Variants in SYTL1 observed in about 807,000 individuals in gnomAD.
The protein encoded by SYTL1 is synaptotagmin-like protein 1.
A neutral mutation model predicts 74.6 loss-of-function variants in SYTL1; 53 were observed. The ratio of observed to expected loss-of-function variants is 0.71; its 90% CI spans 0.57 to 0.89. SYTL1 has a LOEUF of 0.89. Among genes scored for constraint, SYTL1 ranks in the 40% least tolerant of loss-of-function variants. The pLI is 0.00. For missense variants in SYTL1, 728 were observed against 768.7 expected, an observed-to-expected ratio of 0.95 and a Z score of 0.63; for synonymous variants, 329 against 324.9, an observed-to-expected ratio of 1.01 and a Z score of -0.14.
chr1:27,347,513 C>A lies in SYTL1; in HGVS notation c.284C>A (p.Ala95Asp). The part of the protein sequence containing the change: ...QEARSQRHHN[A>D]HFGSDLVRAS... ...GCACGCTCCCAGCGGCACCACAATG[C>A]CCACTTCGGCTCTGACCTTGTCCGA... The change falls in exon 3 of 15, where the codon GCC becomes GAC. Residue 95 changes from alanine (A) to aspartate (D), a missense_variant. Ala to Asp is a moderately radical substitution (Grantham distance 126). Transcript: ENST00000616558. The surrounding 1 kb of genome is among the most constrained non-coding windows in gnomAD (Gnocchi z 4.9). The A allele has an allele frequency of 6.2e-7, 1 of 1,614,104 alleles. No individual in the cohort carries two copies. The highest frequency in any genetic ancestry group is 8.5e-7 in the Non-Finnish European group (1 of 1,180,050).
At position 27,351,704 on chromosome 1, in the gene SYTL1, T is replaced by C; in HGVS notation, c.1343+149T>C. Reference sequence around the variant, plus strand: ...GAAGGGGACGGTTTGAGCAAAGGCCTGGAGTCAGGGAAGTTGAGGACACCT... The same window carrying C: ...GAAGGGGACGGTTTGAGCAAAGGCCCGGAGTCAGGGAAGTTGAGGACACCT... On this transcript the variant is annotated intron_variant, in intron 13 of 14. Coordinates refer to ENST00000616558, the MANE Select transcript of SYTL1 (RefSeq NM_001193308.2). This position sits in a 1 kb window ranked among gnomAD's most constrained non-coding sequence, Gnocchi z 5.0. The C allele has an allele frequency of 1.8e-6, 1 of 564,872 alleles. No homozygotes were observed. Among genetic ancestry groups the C allele is most frequent in the South Asian group, 2.4e-5 (1 of 41,804 alleles). The allele number at this position is 564,872 out of a possible 1,614,324, so 35.0% of individuals were successfully genotyped here.
chr1:27,351,424 C>A lies in SYTL1; in HGVS notation c.1244-32C>A, dbSNP rs2015271113. 1.3e-6 allele frequency: 2 copies of A among 1,507,168 alleles called. No homozygotes were observed. The highest frequency in any genetic ancestry group is 1.7e-4 in the Middle Eastern group (1 of 5,724). 93.4% of individuals were successfully genotyped at this position (1,507,168 alleles called of 1,614,324 possible). On this transcript the variant is annotated intron_variant, in intron 12 of 14. Transcript: ENST00000616558. This position sits in a 1 kb window ranked among gnomAD's most constrained non-coding sequence, Gnocchi z 5.0. Reference sequence around the variant, plus strand: ...GGGTTTGGGGGCGGTGGACTCCATCCGTGTGCGGGCCTGAGCCGAGCCTCT... The same window carrying A: ...GGGTTTGGGGGCGGTGGACTCCATCAGTGTGCGGGCCTGAGCCGAGCCTCT...
In SYTL1 at chr1:27,353,566, C is replaced by G. The variant is rs1039843822; in HGVS notation, c.1549+78C>G. On this transcript the variant is annotated intron_variant, in intron 14 of 14. Coordinates refer to ENST00000616558, the MANE Select transcript of SYTL1 (RefSeq NM_001193308.2). ...GGGCTCAGTGTGTGGCCCTGGATAC[C>G]TCTCTGTCCTTTCCTGAGCTTTGAT... 1.7e-5 allele frequency: 26 copies of G among 1,535,104 alleles called. No individual in the cohort carries two copies. The African/African-American group carries it at 2.3e-4, about 14-fold the overall frequency.
In SYTL1 at chr1:27,353,674, G is replaced by A. The variant is rs893185653; in HGVS notation, c.1550-39G>A. On this transcript the variant is annotated intron_variant, in intron 14 of 14. Transcript: ENST00000616558. ...GTGTTTGGGGGCCCCAAGGTGTCCA[G>A]TGTGATCATGCCCTCAACCCCTGCC... The A allele has an allele frequency of 5.0e-6, 8 of 1,598,752 alleles. No individual in the cohort carries two copies. The African/African-American group carries it at 1.1e-4, about 21-fold the overall frequency.
rs374038740 is a variant in SYTL1 at position 27,347,892 on chromosome 1, T to C, written c.413+12T>C. 13 of 1,613,120 alleles carry C rather than the reference T, an allele frequency of 8.1e-6. No homozygotes were observed. The highest frequency in any genetic ancestry group is 1.1e-5 in the Non-Finnish European group (13 of 1,179,728). ...GGGCCAGAGCCCAGGTGAGGAGGAGTCTCAGGAAGGGGGAGATGGTGCCCA... is the reference window on the plus strand; with the variant it reads ...GGGCCAGAGCCCAGGTGAGGAGGAGCCTCAGGAAGGGGGAGATGGTGCCCA... On this transcript the variant is annotated intron_variant, in intron 4 of 14. Transcript: ENST00000616558. This position sits in a 1 kb window ranked among gnomAD's most constrained non-coding sequence, Gnocchi z 4.9.
chr1:27,349,959 C>G lies in SYTL1; in HGVS notation c.748-13C>G. The G allele has an allele frequency of 1.3e-6, 2 of 1,571,130 alleles. No homozygotes were observed. Among genetic ancestry groups the G allele is most frequent in the Non-Finnish European group, 1.7e-6 (2 of 1,167,582 alleles). On this transcript the variant is annotated splice_polypyrimidine_tract_variant and intron_variant, in intron 8 of 14. Transcript: ENST00000616558. Reference sequence around the variant, plus strand: ...TGCGAGCGGCCCTGACTCCCACCCACTCCCGTCCGCAGCTGAGCGGCAGCC... The same window carrying G: ...TGCGAGCGGCCCTGACTCCCACCCAGTCCCGTCCGCAGCTGAGCGGCAGCC...
chr1:27,350,417 A>G lies in SYTL1; in HGVS notation c.937A>G (p.Lys313Glu). Residue 313 changes from lysine (K) to glutamate (E), a missense_variant, in exon 10 of 15, where the codon AAG (lysine) becomes GAG (glutamate). By Grantham distance (56) the Lys-to-Glu change is moderately conservative. Coordinates refer to ENST00000616558, the MANE Select transcript of SYTL1 (RefSeq NM_001193308.2). The surrounding 1 kb of genome is among the most constrained non-coding windows in gnomAD (Gnocchi z 6.3). ...CGTCAAAAGCTACCTCCTCCCGGAT[A>G]AGCAGAGCAAGCGCAAGACGGCGGT... ...PYVKSYLLPD[K>E]QSKRKTAVKK... The G allele has an allele frequency of 6.2e-7, 1 of 1,614,116 alleles. No individual in the cohort carries two copies. Among genetic ancestry groups the G allele is most frequent in the Non-Finnish European group, 8.5e-7 (1 of 1,179,976 alleles).
Position 27,350,421 on chromosome 1 carries a change from A to G in SYTL1, c.941A>G (p.Gln314Arg). The change falls in exon 10 of 15, where the codon CAG becomes CGG. Residue 314 changes from glutamine to arginine, a missense_variant. Coordinates refer to ENST00000616558, the MANE Select transcript of SYTL1 (RefSeq NM_001193308.2). The surrounding 1 kb of genome is among the most constrained non-coding windows in gnomAD (Gnocchi z 6.3). ...YVKSYLLPDK[Q>R]SKRKTAVKKR... Reference sequence around the variant, plus strand: ...AAAAGCTACCTCCTCCCGGATAAGCAGAGCAAGCGCAAGACGGCGGTGAAG... The same window carrying G: ...AAAAGCTACCTCCTCCCGGATAAGCGGAGCAAGCGCAAGACGGCGGTGAAG... 6.2e-7 allele frequency: 1 copy of G among 1,614,170 alleles called. No homozygotes were observed. The highest frequency in any genetic ancestry group is 8.5e-7 in the Non-Finnish European group (1 of 1,180,008).
rs1209696952 is a variant in SYTL1, at chr1:27,351,537, T to G, written c.1325T>G (p.Leu442Arg). The G allele has an allele frequency of 1.1e-5, 17 of 1,547,716 alleles. No individual in the cohort carries two copies. The Admixed American group carries it at 3.4e-4, about 31-fold the overall frequency. ...CTCCTGCCGCTGCGGGCAGGATCCC[T>G]GGACACTTACGTACAATGGTGAGGA... is the stretch of plus-strand genomic sequence containing the variant. ...RDLLPLRAGS[L>R]DTYVQCFVLP... The change falls in exon 13 of 15, where the codon CTG becomes CGG. Residue 442 changes from leucine (L) to arginine (R), a missense_variant. Physicochemically the swap from Leu to Arg is moderately radical, Grantham distance 102. Transcript: ENST00000616558. The surrounding 1 kb of genome is among the most constrained non-coding windows in gnomAD (Gnocchi z 5.0).
In SYTL1 at chr1:27,349,402, T is replaced by A; in HGVS notation, c.537T>A (p.Pro179=). The change falls in exon 7 of 15, where the codon CCT becomes CCA. Residue 179 remains proline, a synonymous_variant. Transcript: ENST00000616558. ...PEEASQAQED[P]GQGDQQVCAE... ...GCATCTCGTGCCCCACCCCAGATCC[T>A]GGCCAAGGAGACCAACAGGTCTGTG... The A allele has an allele frequency of 6.9e-7, 1 of 1,446,306 alleles. No individual in the cohort carries two copies. Among genetic ancestry groups the A allele is most frequent in the Non-Finnish European group, 9.1e-7 (1 of 1,097,330 alleles). The allele number at this position is 1,446,306 out of a possible 1,614,324, so 89.6% of individuals were successfully genotyped here. A position where few individuals can be genotyped will look rare whatever the true frequency, so the allele number is the denominator to read the frequency against.
At position 27,345,217 on chromosome 1, in the gene SYTL1, T is replaced by C; in HGVS notation, c.-38-80T>C. ...ACCCTACCCATACCCGGCCAAGTGT[T>C]TGGGGAGAAAAGGGCTGTTGGTTCT... On this transcript the variant is annotated intron_variant, in intron 1 of 14. Coordinates refer to ENST00000616558, the MANE Select transcript of SYTL1 (RefSeq NM_001193308.2). This position sits in a 1 kb window ranked among gnomAD's most constrained non-coding sequence, Gnocchi z 6.0. The C allele has an allele frequency of 1.3e-6, 1 of 771,296 alleles. No homozygotes were observed. The highest frequency in any genetic ancestry group is 2.0e-6 in the Non-Finnish European group (1 of 512,736). 47.8% of individuals were successfully genotyped at this position (771,296 alleles called of 1,614,324 possible).
chr1:27,353,686 C>T (rs895647651), intron 14 of SYTL1, 27 bp from the exon 15 acceptor site: 2 of 1,604,626 alleles, frequency 1.2e-6, no homozygotes, highest in Admixed American at 1.7e-5. Flanking sequence ...GTGATCATGC[C>T]CTCAACCCCT....
intron 2 of SYTL1, among the ~76,000 whole-genome samples, chr1:27,346,802 T>C (rs2015022296): frequency 6.6e-6 from 1 of 151,794 alleles, no homozygotes; most frequent in Non-Finnish European, 1.5e-5. Flanking sequence ...ATTATTATCC[T>C]TCTCTACCTG....
Position 27,347,241 on chromosome 1 carries a change from T to C in SYTL1, c.192-180T>C, listed in dbSNP as rs1571033718. 1.3e-5 allele frequency among the ~76,000 whole-genome samples: 2 copies of C among 152,246 alleles called. No homozygotes were observed. The highest frequency in any genetic ancestry group is 3.8e-4 in the East Asian group (2 of 5,198). On this transcript the variant is annotated intron_variant, in intron 2 of 14. Coordinates refer to ENST00000616558, the MANE Select transcript of SYTL1 (RefSeq NM_001193308.2). The surrounding 1 kb of genome is among the most constrained non-coding windows in gnomAD (Gnocchi z 4.9). ...ACTTCTATCACATCATCCACCTCAC[T>C]ACAGTGTACTTGTCTCTTCTGGACT... is the stretch of plus-strand genomic sequence containing the variant.
chr1:27,345,107 T>TC lies in SYTL1; in HGVS notation c.-38-189dup. On this transcript the variant is annotated intron_variant, in intron 1 of 14. Coordinates refer to ENST00000616558, the MANE Select transcript of SYTL1 (RefSeq NM_001193308.2). This position sits in a 1 kb window ranked among gnomAD's most constrained non-coding sequence, Gnocchi z 6.0. Reference sequence around the variant, plus strand: ...TGTGTCTCTTGCTTCTTCCACTGTGTCTCCAAGTGTGTTCAAGGGCTAGTG... The same window carrying TC: ...TGTGTCTCTTGCTTCTTCCACTGTGTCCTCCAAGTGTGTTCAAGGGCTAGTG... 1 of 391,162 alleles carries TC rather than the reference T, an allele frequency of 2.6e-6. No individual in the cohort carries two copies. Among genetic ancestry groups the TC allele is most frequent in the Non-Finnish European group, 4.6e-6 (1 of 218,690 alleles). 24.2% of individuals were successfully genotyped at this position (391,162 alleles called of 1,614,324 possible). A position where few individuals can be genotyped will look rare whatever the true frequency, so the allele number is the denominator to read the frequency against.
rs74061771 is a variant in SYTL1, at chr1:27,348,195, G to C, written c.459+183G>C. On this transcript the variant is annotated intron_variant, in intron 5 of 14. Coordinates refer to ENST00000616558, the MANE Select transcript of SYTL1 (RefSeq NM_001193308.2). The surrounding 1 kb of genome is among the most constrained non-coding windows in gnomAD (Gnocchi z 4.1). ...GAACGGTGGGGAACGGTGGTGAATG[G>C]TGGTAAACAGTGGTGAACGGTGGTG... Among the ~76,000 whole-genome samples, 6 of 152,280 alleles carry C rather than the reference G, an allele frequency of 3.9e-5. No homozygotes were observed. Among genetic ancestry groups the C allele is most frequent in the African/African-American group, 1.4e-4 (6 of 41,550 alleles).
intron 1 of SYTL1, among the ~76,000 whole-genome samples, chr1:27,344,543 T>C (rs894600982): frequency 6.9e-5 from 10 of 145,388 alleles, no homozygotes; most frequent in Admixed American, 2.7e-4. Context: ...GCCTGGCCAC[T>C]GTGTGCAGAT....
At position 27,350,146 on chromosome 1, in the gene SYTL1, C is replaced by G. The variant is rs1571042439; in HGVS notation, c.908+14C>G. The G allele has an allele frequency of 1.4e-6, 2 of 1,399,548 alleles. No homozygotes were observed. The highest frequency in any genetic ancestry group is 1.9e-6 in the Non-Finnish European group (2 of 1,077,570). 86.7% of individuals were successfully genotyped at this position (1,399,548 alleles called of 1,614,324 possible). On this transcript the variant is annotated intron_variant, in intron 9 of 14. Coordinates refer to ENST00000616558, the MANE Select transcript of SYTL1 (RefSeq NM_001193308.2). This position sits in a 1 kb window ranked among gnomAD's most constrained non-coding sequence, Gnocchi z 6.3. ...CCGCTCGGACCCGTGAGTGCCCCGC[C>G]GGCCAAGCGGGGCGCGGCTGTCACA...
At chr1:27,349,873 G>A in intron 8 of SYTL1, 99 bp from the exon 9 acceptor site, 1 of 1,536,220 alleles carries the variant, frequency 6.5e-7, no homozygotes, top group Non-Finnish European at 8.7e-7. Flanking sequence ...CAGCCCCCCA[G>A]CCTGCCACCT....
Sources: allele counts gnomAD v4.1 joint callset (sites outside exome capture counted in the v4.1 genomes callset), GRCh38; gene constraint gnomAD v4.1.1; non-coding constraint Gnocchi (gnomAD v3.1); transcripts MANE v1.5; gene names NCBI Gene and HGNC (gene_info 2026-07-23, HGNC 2026-07-21).